Variants in DCLK1 observed in about 807,000 individuals in gnomAD.
DCLK1 encodes doublecortin like kinase 1.
A neutral mutation model predicts 86.2 loss-of-function variants in DCLK1; 16 were observed. The ratio of observed to expected loss-of-function variants is 0.19; its 90% CI spans 0.13 to 0.28. The LOEUF is 0.28. DCLK1 is among the 10% of genes least tolerant of loss of function. The pLI is 1.00. For synonymous variants in DCLK1, 369 were observed against 370.5 expected (o/e 1.00, Z 0.05); for missense variants, 590 against 940.2 (o/e 0.63, Z 4.87).
At chr13:35,902,537 T>C (rs1255774688) in intron 4 of DCLK1, among the ~76,000 whole-genome samples, 1 of 151,968 alleles carries the variant, frequency 6.6e-6, no homozygotes, top group African/African-American at 2.4e-5. Flanking sequence ...TGGGCGTAGA[T>C]TGTGAGAAAG....
rs138826624 is a variant in DCLK1, at chr13:35,786,712, G to C, written c.2058+6654C>G. 1.5e-3 allele frequency among the ~76,000 whole-genome samples: 231 copies of C among 152,294 alleles called. 1 individual carries two copies. The highest frequency in any genetic ancestry group is 5.4e-3 in the African/African-American group (225 of 41,580). ...TCTTCTGTGTTACAAAGTCAAAAAAGAAGGGTCTGCACAAAGGCAGATTAT... is the reference window on the plus strand; with the variant it reads ...TCTTCTGTGTTACAAAGTCAAAAAACAAGGGTCTGCACAAAGGCAGATTAT... On this transcript the variant is annotated intron_variant, in intron 16 of 16. Transcript: ENST00000360631.
At chr13:35,780,592 A>G (rs1476204824) in intron 16 of DCLK1, among the ~76,000 whole-genome samples, 1 of 152,208 alleles carries the variant, frequency 6.6e-6, no homozygotes, top group African/African-American at 2.4e-5. Context: ...GAGCTGAGTA[A>G]TGATGGCTTG....
At position 35,770,039 on chromosome 13, in the gene DCLK1, T is replaced by G. The variant is rs2086302000; in HGVS notation, c.*4496A>C. On this transcript the variant is annotated 3_prime_UTR_variant, in exon 17 of 17. Coordinates refer to ENST00000360631, the MANE Select transcript of DCLK1 (RefSeq NM_001330071.2). The stretch of plus-strand genomic sequence containing the variant: ...ACCAGAGGCATTTAAGCCTCTCCAC[T>G]GAAGTTCCTGTTTCCCACCAGTTTA... 6.6e-6 allele frequency: 1 copy of G among 152,214 alleles called. No homozygotes were observed. Among genetic ancestry groups the G allele is most frequent in the Non-Finnish European group, 1.5e-5 (1 of 68,042 alleles). The allele number at this position is 152,214 out of a possible 1,614,324, so 9.4% of individuals were successfully genotyped here.
chr13:35,869,366 T>G (rs932325332), intron 5 of DCLK1, among the ~76,000 whole-genome samples: 3 of 152,172 alleles, frequency 2.0e-5, no homozygotes, highest in African/African-American at 7.2e-5. Flanking sequence ...TGACTGACTC[T>G]CTGAGGCCAG....
chr13:35,958,262 TATA>T (rs1878230188), intron 3 of DCLK1, among the ~76,000 whole-genome samples: 1 of 25,818 alleles, frequency 3.9e-5, no homozygotes, highest in Non-Finnish European at 7.6e-5. Context: ...CTACCACTAC[TATA>T]ACCATTACCA....
At chr13:35,992,057 T>C (rs1880256126) in intron 3 of DCLK1, among the ~76,000 whole-genome samples, 2 of 152,220 alleles carry the variant, frequency 1.3e-5, no homozygotes, top group South Asian at 2.1e-4. Context: ...ATTGCCTCTC[T>C]GAAAAGTCCC....
At chr13:35,791,536 G>A (rs1388136362) in intron 16 of DCLK1, among the ~76,000 whole-genome samples, 2 of 152,092 alleles carry the variant, frequency 1.3e-5, no homozygotes, top group Non-Finnish European at 1.5e-5. Flanking sequence ...GCTAGATGAG[G>A]TTTTAATGAA....
intron 3 of DCLK1, among the ~76,000 whole-genome samples, chr13:36,094,140 T>C (rs776264054): frequency 3.3e-5 from 5 of 152,222 alleles, no homozygotes; most frequent in Non-Finnish European, 7.3e-5. Flanking sequence ...TTTAAAAATC[T>C]GCCTTTTTTG....
intron 2 of DCLK1, among the ~76,000 whole-genome samples, chr13:36,123,441 T>A: frequency 6.6e-6 from 1 of 151,370 alleles, no homozygotes; most frequent in South Asian, 2.1e-4. Flanking sequence ...AATCAGATAA[T>A]TTTTTTTTCC....
At chr13:35,846,412 C>T (rs144031047) in intron 6 of DCLK1, 2 of 985,304 alleles carry the variant, frequency 2.0e-6, no homozygotes, top group African/African-American at 3.5e-5. Context: ...GCTTCAAAAA[C>T]ATTTTGTGGC....
intron 3 of DCLK1, among the ~76,000 whole-genome samples, chr13:36,103,268 G>A (rs1267771150): frequency 6.6e-6 from 1 of 152,016 alleles, no homozygotes. Context: ...GGGTGTGGTG[G>A]CACGCGCCTG....
intron 3 of DCLK1, among the ~76,000 whole-genome samples, chr13:35,983,491 CTGAA>C (rs1300934779): frequency 6.6e-6 from 1 of 152,184 alleles, no homozygotes; most frequent in Non-Finnish European, 1.5e-5. Flanking sequence ...ACTCCTGGGC[CTGAA>C]TCCTTCCATC....
chr13:35,956,027 G>T (rs1479768094), intron 3 of DCLK1, among the ~76,000 whole-genome samples: 1 of 152,148 alleles, frequency 6.6e-6, no homozygotes, highest in South Asian at 2.1e-4. Flanking sequence ...CTATTCCTCT[G>T]GTTTCTCTCA....
intron 2 of DCLK1, among the ~76,000 whole-genome samples, chr13:36,124,037 A>G (rs1246863573): frequency 2.6e-5 from 4 of 152,094 alleles, no homozygotes; most frequent in Non-Finnish European, 5.9e-5. Flanking sequence ...ACCCCCATAG[A>G]TGCTACACAA....
intron 4 of DCLK1, among the ~76,000 whole-genome samples, chr13:35,929,175 T>C (rs184502316): frequency 6.6e-6 from 1 of 152,310 alleles, no homozygotes; most frequent in East Asian, 1.9e-4. Flanking sequence ...GTGATCCACC[T>C]GCCTCGGCCT....
chr13:36,011,864 G>C (rs9575109), intron 3 of DCLK1, among the ~76,000 whole-genome samples: 34,443 of 149,260 alleles, frequency 0.23, 4,580 homozygotes, highest in Non-Finnish European at 0.3. Flanking sequence ...AGGAGTCTAA[G>C]TCTCTTTGTA....
intron 5 of DCLK1, 110 bp from the exon 6 acceptor site, chr13:35,854,703 A>C (rs1431015575): frequency 1.2e-5 from 10 of 835,832 alleles, no homozygotes; most frequent in Non-Finnish European, 1.7e-5. Flanking sequence ...ATCTACTAGA[A>C]CTCTAGACAC....
chr13:35,864,997 G>A (rs934373031), intron 5 of DCLK1, among the ~76,000 whole-genome samples: 5 of 152,232 alleles, frequency 3.3e-5, no homozygotes, highest in Admixed American at 1.3e-4. Context: ...TTTGAAGTTT[G>A]TAAGTTTTAA....
At chr13:36,051,907 G>C (rs1883136815) in intron 3 of DCLK1, among the ~76,000 whole-genome samples, 1 of 152,044 alleles carries the variant, frequency 6.6e-6, no homozygotes, top group Non-Finnish European at 1.5e-5. Flanking sequence ...ACCTTAGAAG[G>C]GAATGAATCT....
Sources: gnomAD v4.1 joint callset for allele counts (sites outside exome capture counted in the v4.1 genomes callset) on GRCh38, gnomAD v4.1.1 for gene constraint, MANE v1.5 for transcripts, NCBI Gene and HGNC (gene_info 2026-07-23, HGNC 2026-07-21) for gene names.